The following PRKAR1A variants were observed in gnomAD, a reference collection of about 807,000 sequenced individuals.
PRKAR1A encodes the protein cAMP-dependent protein kinase type I-alpha regulatory subunit.
Under a neutral mutation model 52.0 loss-of-function variants are expected in PRKAR1A, and 3 were observed. That is an observed-to-expected ratio of 0.06 (90% CI 0.03 to 0.15). The LOEUF (loss-of-function observed/expected upper bound fraction) is 0.15, where lower values mean the gene tolerates loss of function less well. Ranked by LOEUF, PRKAR1A falls within the 10% of genes least tolerant of loss-of-function variation. The pLI is 1.00. For missense variants in PRKAR1A, 240 were observed against 477.4 expected (o/e 0.50, Z 4.63); for synonymous variants, 188 against 168.4 (o/e 1.12, Z -0.90).
At chr17:68,544,600 A>G (rs1056167818) in intron 11 of PRKAR1A, among the ~76,000 whole-genome samples, 3 of 152,250 alleles carry the variant, frequency 2.0e-5, no homozygotes, top group East Asian at 1.9e-4. Flanking sequence ...AGCACTGGCA[A>G]TTTAAACCGT....
At chr17:68,537,069 A>G (rs756686151), downstream of PRKAR1A, 1 of 458,658 alleles carries the variant, frequency 2.2e-6, no homozygotes, top group African/African-American at 2.0e-5. The surrounding 1 kb of genome is among the most constrained non-coding windows in gnomAD (Gnocchi z 4.2). Context: ...TTTTGTCTGG[A>G]CCAGGAGTTA....
the PRKAR1A span, among the ~76,000 whole-genome samples, chr17:68,417,741 T>TTTTTTA: frequency 9.4e-6 from 1 of 106,464 alleles, no homozygotes; most frequent in African/African-American, 4.4e-5. Context: ...GAATTTTTTT[T>TTTTTTA]TTTTTTTTTT....
At position 68,533,138 on chromosome 17, in the gene PRKAR1A, C is replaced by T. The variant is rs1294420613; in HGVS notation, c.*2689C>T. The T allele has an allele frequency of 9.4e-7, 1 of 1,058,610 alleles. No individual in the cohort carries two copies. Among genetic ancestry groups the T allele is most frequent in the Non-Finnish European group, 1.1e-6 (1 of 873,572 alleles). 65.6% of individuals were successfully genotyped at this position (1,058,610 alleles called of 1,614,324 possible). A position where few individuals can be genotyped will look rare whatever the true frequency, so the allele number is the denominator to read the frequency against. ...CTCTTTGGTTTAAATTTAATATATACATTTAATGTTACTTAGGGATACTTT... is the reference window on the plus strand; with the variant it reads ...CTCTTTGGTTTAAATTTAATATATATATTTAATGTTACTTAGGGATACTTT... On this transcript the variant is annotated 3_prime_UTR_variant, in exon 11 of 11. Transcript: ENST00000589228.
downstream of PRKAR1A, chr17:68,535,896 T>C (rs751309183): frequency 2.2e-6 from 1 of 454,114 alleles, no homozygotes; most frequent in South Asian, 1.6e-5. Flanking sequence ...GACTTTGGAA[T>C]AGGTCTAAAC....
chr17:68,480,660 G>C, the PRKAR1A span, among the ~76,000 whole-genome samples: 1 of 152,270 alleles, frequency 6.6e-6, no homozygotes, highest in African/African-American at 2.4e-5. Flanking sequence ...TGATCCTCCT[G>C]CCTCAGCCTC....
At chr17:68,479,964 C>T in the PRKAR1A span, among the ~76,000 whole-genome samples, 3 of 152,186 alleles carry the variant, frequency 2.0e-5, no homozygotes, top group African/African-American at 7.2e-5. Flanking sequence ...AGAACTCACT[C>T]ACTATCATGA....
At chr17:68,433,623 TA>T in the PRKAR1A span, 1 of 1,479,352 alleles carries the variant, frequency 6.8e-7, no homozygotes, top group Non-Finnish European at 9.4e-7. Flanking sequence ...AAATGGGAGT[TA>T]TGGCCTTATA....
At chr17:68,533,812 C>G (rs1048635022), downstream of PRKAR1A, among the ~76,000 whole-genome samples, 2 of 152,324 alleles carry the variant, frequency 1.3e-5, no homozygotes, top group South Asian at 4.1e-4. Flanking sequence ...TGCAGCCTCT[C>G]TGCTTCCCAG....
At position 68,533,214 on chromosome 17, in the gene PRKAR1A, C is replaced by G. The variant is rs993776526; in HGVS notation, c.*2765C>G. Reference sequence around the variant, plus strand: ...TATATAAAGCCTTATTTCTGATGCTCTTAGATTTCTGAGGAGTGAGATGAT... The same window carrying G: ...TATATAAAGCCTTATTTCTGATGCTGTTAGATTTCTGAGGAGTGAGATGAT... On this transcript the variant is annotated 3_prime_UTR_variant, in exon 11 of 11. Transcript: ENST00000589228. 2.8e-6 allele frequency: 3 copies of G among 1,057,824 alleles called. No homozygotes were observed. The African/African-American group carries it at 4.9e-5, about 17-fold the overall frequency. 65.5% of individuals were successfully genotyped at this position (1,057,824 alleles called of 1,614,324 possible).
At chr17:68,444,833 TCTCTC>T in the PRKAR1A span, among the ~76,000 whole-genome samples, 1 of 152,038 alleles carries the variant, frequency 6.6e-6, no homozygotes, top group South Asian at 2.1e-4. Flanking sequence ...TGTTTTTACT[TCTCTC>T]CTTCCTTCTT....
chr17:68,544,865 C>T (rs1457952549), intron 11 of PRKAR1A, among the ~76,000 whole-genome samples: 1 of 152,170 alleles, frequency 6.6e-6, no homozygotes, highest in Non-Finnish European at 1.5e-5. Context: ...TCTTCTAAAA[C>T]ATTTTCTCAT....
rs2085979179 is a variant in PRKAR1A, at chr17:68,531,679, A to T, written c.*1230A>T. ...ATCCTGCTGAAAGTCCTGCTTTCCT[A>T]TCTAGCATTTATTTCTCTGGCAAAC... On this transcript the variant is annotated 3_prime_UTR_variant, in exon 11 of 11. Transcript: ENST00000589228. 1 of 1,065,552 alleles carries T rather than the reference A, an allele frequency of 9.4e-7. No individual in the cohort carries two copies. Among genetic ancestry groups the T allele is most frequent in the African/African-American group, 1.6e-5 (1 of 61,192 alleles). The allele number at this position is 1,065,552 out of a possible 1,614,324, so 66.0% of individuals were successfully genotyped here.
chr17:68,435,185 C>T, the PRKAR1A span, among the ~76,000 whole-genome samples: 6 of 145,738 alleles, frequency 4.1e-5, no homozygotes, highest in East Asian at 6.0e-4. Context: ...CCAGCCTGGG[C>T]GACAGAGCTA....
At chr17:68,436,596 G>T in the PRKAR1A span, 1 of 878,266 alleles carries the variant, frequency 1.1e-6, no homozygotes, top group South Asian at 1.7e-5. Context: ...GGGGAGGAAT[G>T]GCTTTGCAGA....
chr17:68,540,561 C>A, intron 11 of PRKAR1A: 1 of 531,228 alleles, frequency 1.9e-6, no homozygotes, highest in Non-Finnish European at 3.6e-6. Flanking sequence ...TTTCCCCTCA[C>A]TTGGTGAAGT....
chr17:68,463,038 G>C, the PRKAR1A span, among the ~76,000 whole-genome samples: 611 of 152,328 alleles, frequency 4.0e-3, 4 homozygotes, highest in African/African-American at 0.014. Context: ...TAGTCTAGCG[G>C]TGGTGCAGGG....
chr17:68,498,167 G>A, the PRKAR1A span, among the ~76,000 whole-genome samples: 1 of 152,078 alleles, frequency 6.6e-6, no homozygotes, highest in Admixed American at 6.5e-5. Flanking sequence ...CTTGGCAGCT[G>A]GTGCACTTCC....
chr17:68,438,886 C>T, the PRKAR1A span, among the ~76,000 whole-genome samples: 23 of 152,244 alleles, frequency 1.5e-4, no homozygotes, highest in Non-Finnish European at 2.9e-4. Flanking sequence ...AGGCGTGAGC[C>T]ATCGTGCCTG....
At chr17:68,441,423 G>A in the PRKAR1A span, among the ~76,000 whole-genome samples, 1 of 152,254 alleles carries the variant, frequency 6.6e-6, no homozygotes, top group Non-Finnish European at 1.5e-5. Flanking sequence ...ACGAGTGATT[G>A]TGTCTTCCTT....
Sources: allele counts gnomAD v4.1 joint callset (sites outside exome capture counted in the v4.1 genomes callset), GRCh38; gene constraint gnomAD v4.1.1; non-coding constraint Gnocchi (gnomAD v3.1); transcripts MANE v1.5; gene names NCBI Gene and HGNC (gene_info 2026-07-23, HGNC 2026-07-21).